Variants in STIM1 observed in about 807,000 individuals in gnomAD.
STIM1 encodes stromal interaction molecule 1.
STIM1 carries 25 observed loss-of-function variants against 74.7 expected under a neutral mutation model. The observed-to-expected ratio is 0.33, with a 90% CI of 0.24 to 0.47. The LOEUF (loss-of-function observed/expected upper bound fraction) is 0.47, where lower values mean the gene tolerates loss of function less well. Among genes scored for constraint, STIM1 ranks in the 20% least tolerant of loss-of-function variants. The probability of loss-of-function intolerance (pLI) is 1.00; values close to 1 mark genes in which losing one functional copy is unlikely to be tolerated. For missense variants in STIM1, 728 were observed against 920.8 expected, an observed-to-expected ratio of 0.79 and a Z score of 2.71; for synonymous variants, 328 against 348.8, an observed-to-expected ratio of 0.94 and a Z score of 0.66.
At chr11:3,942,570 G>T (rs1027175651) in intron 1 of STIM1, among the ~76,000 whole-genome samples, 2 of 152,160 alleles carry the variant, frequency 1.3e-5, no homozygotes, top group Admixed American at 6.5e-5. Context: ...TGGAACATGG[G>T]TTTGGTGATG....
At chr11:4,091,212 CTCT>C in intron 12 of STIM1, 67 bp from the exon 13 acceptor site, 1 of 1,606,760 alleles carries the variant, frequency 6.2e-7, no homozygotes, top group Non-Finnish European at 8.5e-7. Flanking sequence ...TCCCTCTCTC[CTCT>C]TCGCCTTTCC....
rs202109124 is a variant in STIM1, at chr11:4,059,350, G to A, written c.567G>A (p.Lys189=). 8 of 1,614,008 alleles carry A rather than the reference G, an allele frequency of 5.0e-6. No individual in the cohort carries two copies. Among genetic ancestry groups the A allele is most frequent in the African/African-American group, 1.3e-5 (1 of 74,900 alleles). The change falls in exon 5 of 13, where the codon AAG becomes AAA. Residue 189 remains lysine (K), a synonymous_variant. Transcript: ENST00000526596. ...LKMTDRSHRQ[K]LQLKALDTVL... The stretch of plus-strand genomic sequence containing the variant: ...TGACAGACCGGAGTCATCGGCAGAA[G>A]CTGCAGCTGAAGGCTCTGGATACAG...
intron 6 of STIM1, 60 bp from the exon 7 acceptor site, chr11:4,074,442 G>A: frequency 6.3e-7 from 1 of 1,595,032 alleles, no homozygotes; most frequent in South Asian, 1.1e-5. Flanking sequence ...CATGACTCAT[G>A]GCATGTTGGC....
intron 2 of STIM1, chr11:3,989,510 ACCGAG>A: frequency 3.3e-6 from 2 of 607,404 alleles, no homozygotes; most frequent in Admixed American, 4.5e-5. Flanking sequence ...GCCGCGGCGC[ACCGAG>A]AGCCTTCGCG....
chr11:4,058,615 G>C (rs889217928), intron 4 of STIM1: 1 of 187,334 alleles, frequency 5.3e-6, no homozygotes, highest in Non-Finnish European at 1.0e-5. Context: ...ATTTTTCCTA[G>C]GTCATTTTCT....
At chr11:3,970,464 T>A (rs1040408596) in intron 2 of STIM1, among the ~76,000 whole-genome samples, 1 of 152,134 alleles carries the variant, frequency 6.6e-6, no homozygotes, top group South Asian at 2.1e-4. Context: ...TGGGTAGATA[T>A]CTCAGGGTTT....
chr11:3,896,535 G>T (rs933378115), intron 1 of STIM1, among the ~76,000 whole-genome samples: 3 of 152,174 alleles, frequency 2.0e-5, no homozygotes, highest in African/African-American at 7.2e-5. Context: ...GCAACACTAG[G>T]TAGTGTCACA....
intron 2 of STIM1, among the ~76,000 whole-genome samples, chr11:3,987,147 G>C (rs1322451139): frequency 6.6e-6 from 1 of 151,570 alleles, no homozygotes; most frequent in Non-Finnish European, 1.5e-5. Flanking sequence ...AGATAAACCA[G>C]TATAAATAGT....
chr11:4,030,878 T>C (rs1005149661), intron 3 of STIM1, among the ~76,000 whole-genome samples: 3 of 152,204 alleles, frequency 2.0e-5, no homozygotes, highest in Admixed American at 1.3e-4. Context: ...TTAGCTCAAC[T>C]TCATTACCTT....
At chr11:3,924,925 A>G (rs749190674) in intron 1 of STIM1, among the ~76,000 whole-genome samples, 1 of 152,158 alleles carries the variant, frequency 6.6e-6, no homozygotes, top group Non-Finnish European at 1.5e-5. Context: ...TTTATTTCAG[A>G]ATTTAACAGA....
chr11:3,898,107 T>A (rs2092241756), intron 1 of STIM1, among the ~76,000 whole-genome samples: 1 of 152,158 alleles, frequency 6.6e-6, no homozygotes, highest in African/African-American at 2.4e-5. Context: ...CCACAATGGT[T>A]GAACTAGTTT....
At chr11:4,014,371 T>G (rs1397674417) in intron 2 of STIM1, among the ~76,000 whole-genome samples, 1 of 152,250 alleles carries the variant, frequency 6.6e-6, no homozygotes, top group Admixed American at 6.5e-5. Context: ...TGAGTGAACT[T>G]CTTAATCCTG....
intron 1 of STIM1, among the ~76,000 whole-genome samples, chr11:3,861,873 A>T (rs2135211556): frequency 6.6e-6 from 1 of 152,182 alleles, no homozygotes; most frequent in East Asian, 1.9e-4. Context: ...GTAGTTTCCT[A>T]GGTCTCTACA....
chr11:4,082,815 A>C, intron 8 of STIM1, 67 bp from the exon 9 acceptor site: 1 of 1,319,798 alleles, frequency 7.6e-7, no homozygotes, highest in Non-Finnish European at 1.1e-6. Flanking sequence ...CCATAGGGGA[A>C]GGCCTTTCTC....
At chr11:3,925,222 C>T (rs1237450489) in intron 1 of STIM1, among the ~76,000 whole-genome samples, 1 of 152,160 alleles carries the variant, frequency 6.6e-6, no homozygotes, top group Non-Finnish European at 1.5e-5. Flanking sequence ...TGGTGACACC[C>T]TGTCTCTACA....
chr11:3,884,794 A>AAAAG (rs59961288), intron 1 of STIM1, among the ~76,000 whole-genome samples: 16 of 151,370 alleles, frequency 1.1e-4, no homozygotes, highest in Non-Finnish European at 1.6e-4. Context: ...AAAAAAAAAA[A>AAAAG]GGGGTATGTT....
chr11:3,901,028 T>G (rs2092333820), intron 1 of STIM1, among the ~76,000 whole-genome samples: 1 of 152,104 alleles, frequency 6.6e-6, no homozygotes, highest in African/African-American at 2.4e-5. Context: ...CTGTCTCTAT[T>G]AAAAATACAA....
intron 1 of STIM1, among the ~76,000 whole-genome samples, chr11:3,960,511 G>T (rs73427545): frequency 0.024 from 3,631 of 152,260 alleles, 130 homozygotes; most frequent in African/African-American, 0.078. Flanking sequence ...AATGACAAGT[G>T]CATCATGTTA....
At chr11:4,003,960 A>C (rs1450606678) in intron 2 of STIM1, among the ~76,000 whole-genome samples, 1 of 152,232 alleles carries the variant, frequency 6.6e-6, no homozygotes, top group Non-Finnish European at 1.5e-5. Flanking sequence ...ACAAACAGAG[A>C]GCCAAATCAT....
Sources: gnomAD v4.1 joint callset for allele counts (sites outside exome capture counted in the v4.1 genomes callset) on GRCh38, gnomAD v4.1.1 for gene constraint, MANE v1.5 for transcripts, NCBI Gene and HGNC (gene_info 2026-07-23, HGNC 2026-07-21) for gene names.